Variants in CACNA1G observed in about 807,000 individuals in gnomAD.
The protein encoded by CACNA1G is calcium voltage-gated channel subunit alpha1 G.
In CACNA1G, 67 loss-of-function variants were observed where a neutral mutation model predicts 219.4. The ratio of observed to expected loss-of-function variants is 0.31; its 90% CI spans 0.25 to 0.37. The LOEUF is 0.37. Ranked by LOEUF, CACNA1G falls within the 10% of genes least tolerant of loss-of-function variation. The pLI, the probability that CACNA1G is intolerant of heterozygous loss-of-function variation, is 1.00. For synonymous variants in CACNA1G, 1,296 were observed against 1,345.3 expected (o/e 0.96, Z 0.80); for missense variants, 2,380 against 3,231.4 (o/e 0.74, Z 6.39).
At position 50,572,873 on chromosome 17, in the gene CACNA1G, C is replaced by T. The variant is rs757312356; in HGVS notation, c.1047+19C>T. ...CTTCCAGGTGGGGCAGCCTGGGCCC[C>T]GGGAGCTTCCCCAGAACACCAGCCC... On this transcript the variant is annotated intron_variant, in intron 6 of 37. Coordinates refer to ENST00000359106, the MANE Select transcript of CACNA1G (RefSeq NM_018896.5). 2.0e-5 allele frequency: 32 copies of T among 1,606,092 alleles called. No individual in the cohort carries two copies. Among genetic ancestry groups the T allele is most frequent in the East Asian group, 2.2e-5 (1 of 44,814 alleles).
rs767193318 is a variant in CACNA1G at position 50,626,005 on chromosome 17, C to A, written c.6400-12C>A. ...GAGACTGCTGGGCTGAGCCCTCCCC[C>A]ACCCCATATAGGCAGCAATAAGGAC... On this transcript the variant is annotated splice_polypyrimidine_tract_variant and intron_variant, in intron 37 of 37. Transcript: ENST00000359106. The surrounding 1 kb of genome is among the most constrained non-coding windows in gnomAD (Gnocchi z 4.3). 3.1e-6 allele frequency: 5 copies of A among 1,590,944 alleles called. No individual in the cohort carries two copies. The South Asian group carries it at 3.4e-5, about 11-fold the overall frequency.
intron 26 of CACNA1G, among the ~76,000 whole-genome samples, chr17:50,612,108 GA>G (rs547262295): frequency 5.9e-5 from 9 of 152,242 alleles, no homozygotes; most frequent in Non-Finnish European, 1.3e-4. Context: ...GAATCACCTG[GA>G]AAGCATAAAC....
chr17:50,599,054 T>C (rs912745387), intron 16 of CACNA1G, among the ~76,000 whole-genome samples: 9 of 152,328 alleles, frequency 5.9e-5, no homozygotes, highest in African/African-American at 1.9e-4. Context: ...GGAATGTCTA[T>C]TCAGGCCCTT....
chr17:50,591,112 A>G (rs1285434990), intron 10 of CACNA1G, among the ~76,000 whole-genome samples: 2 of 152,254 alleles, frequency 1.3e-5, no homozygotes, highest in Non-Finnish European at 2.9e-5. Context: ...TGCTTTTGGA[A>G]TTGGCTTTAG....
rs1320808471 is a variant in CACNA1G at position 50,623,056 on chromosome 17, C to G, written c.6061-851C>G. On this transcript the variant is annotated intron_variant, in intron 35 of 37. Coordinates refer to ENST00000359106, the MANE Select transcript of CACNA1G (RefSeq NM_018896.5). ...AGGGTCCTCTCCCCCTCACCTCCCC[C>G]ACTGACAGCACAGGGTCGTAGGGGC... Among the ~76,000 whole-genome samples, 14 of 151,490 alleles carry G rather than the reference C, an allele frequency of 9.2e-5. No individual in the cohort carries two copies. In the East Asian group the frequency reaches 2.5e-3, roughly 27 times the overall value.
chr17:50,578,108 T>G lies in CACNA1G; in HGVS notation c.1925-80T>G, dbSNP rs1331161100. On this transcript the variant is annotated intron_variant, in intron 8 of 37. Coordinates refer to ENST00000359106, the MANE Select transcript of CACNA1G (RefSeq NM_018896.5). This position sits in a 1 kb window ranked among gnomAD's most constrained non-coding sequence, Gnocchi z 4.5. ...CTGTAACAACCCCAGACTCCCTGAC[T>G]CATTTTACACATACTCACAGGGCAG... 3.4e-6 allele frequency: 5 copies of G among 1,461,012 alleles called. No individual in the cohort carries two copies. Among genetic ancestry groups the G allele is most frequent in the Non-Finnish European group, 3.6e-6 (4 of 1,105,438 alleles). 90.5% of individuals were successfully genotyped at this position (1,461,012 alleles called of 1,614,324 possible).
intron 8 of CACNA1G, among the ~76,000 whole-genome samples, chr17:50,577,211 G>T (rs2040873110): frequency 6.6e-6 from 1 of 152,074 alleles, no homozygotes; most frequent in South Asian, 2.1e-4. Flanking sequence ...CTGTGTAAAA[G>T]GCAAGGCTGG....
At chr17:50,580,739 C>T (rs1016872289) in intron 9 of CACNA1G, among the ~76,000 whole-genome samples, 8 of 152,288 alleles carry the variant, frequency 5.3e-5, no homozygotes, top group African/African-American at 1.4e-4. Context: ...GGGTTTTGTC[C>T]GCATACCTGG....
intron 35 of CACNA1G, among the ~76,000 whole-genome samples, chr17:50,622,483 AC>A (rs2052402457): frequency 6.6e-6 from 1 of 151,964 alleles, no homozygotes; most frequent in South Asian, 2.1e-4. Flanking sequence ...CAGGGACTGG[AC>A]CACCGGCTGG....
intron 37 of CACNA1G, among the ~76,000 whole-genome samples, chr17:50,624,983 G>C (rs1467562981): frequency 5.4e-5 from 5 of 93,040 alleles, no homozygotes; most frequent in African/African-American, 2.4e-4. Context: ...TTTGAGTTTC[G>C]CTCTTGTTGC....
chr17:50,592,664 T>G (rs1053446892), intron 13 of CACNA1G, among the ~76,000 whole-genome samples: 2 of 152,216 alleles, frequency 1.3e-5, no homozygotes, highest in Non-Finnish European at 2.9e-5. Context: ...AATATTGATT[T>G]ACATTGATCC....
In CACNA1G at chr17:50,600,524, T is replaced by C. The variant is rs1354853530; in HGVS notation, c.3691-202T>C. On this transcript the variant is annotated intron_variant, in intron 17 of 37. Coordinates refer to ENST00000359106, the MANE Select transcript of CACNA1G (RefSeq NM_018896.5). This position sits in a 1 kb window ranked among gnomAD's most constrained non-coding sequence, Gnocchi z 4.1. ...GAGGAGGTGGAGAGGCAAGGGGTCC[T>C]CAGGGATGGGGAGGGGGCCTGGCAA... 6.6e-6 allele frequency among the ~76,000 whole-genome samples: 1 copy of C among 150,950 alleles called. No individual in the cohort carries two copies. Among genetic ancestry groups the C allele is most frequent in the Non-Finnish European group, 1.5e-5 (1 of 67,750 alleles).
At position 50,621,545 on chromosome 17, in the gene CACNA1G, C is replaced by A. The variant is rs4794172; in HGVS notation, c.5926-115C>A. 0.32 allele frequency: 384,430 copies of A among 1,183,904 alleles called. 66,530 individuals are homozygous for A. Among genetic ancestry groups the A allele is most frequent in the Non-Finnish European group, 0.36 (301,240 of 835,824 alleles). The allele number at this position is 1,183,904 out of a possible 1,614,324, so 73.3% of individuals were successfully genotyped here. On this transcript the variant is annotated intron_variant, in intron 34 of 37. Coordinates refer to ENST00000359106, the MANE Select transcript of CACNA1G (RefSeq NM_018896.5). This position sits in a 1 kb window ranked among gnomAD's most constrained non-coding sequence, Gnocchi z 4.6. The stretch of plus-strand genomic sequence containing the variant: ...AGAAGGGATGCCTTTTTCCCGCCCC[C>A]CTGTGCTTCGTGAAAAGGGGGAAGT...
At chr17:50,572,223 C>T (rs1390441581) in intron 5 of CACNA1G, among the ~76,000 whole-genome samples, 186 bp downstream of exon 5, 5 of 152,190 alleles carry the variant, frequency 3.3e-5, no homozygotes, top group Non-Finnish European at 7.3e-5. Context: ...GCCTGGGTGC[C>T]ACCTCCAGAG....
intron 9 of CACNA1G, among the ~76,000 whole-genome samples, chr17:50,582,653 G>T (rs198556): frequency 0.074 from 11,333 of 152,194 alleles, 559 homozygotes; most frequent in African/African-American, 0.12. Flanking sequence ...GGGAGTGCAG[G>T]AGTGGGGCCT....
rs2035394166 is a variant in CACNA1G, at chr17:50,560,783, G to T, written c.-677G>T. ...GTCTCGGCCGGAGGAGGAGGCTGTG[G>T]CGCCGGCGACAGCTACGGCAGCGGC... On this transcript the variant is annotated 5_prime_UTR_variant, in exon 1 of 38. Coordinates refer to ENST00000359106, the MANE Select transcript of CACNA1G (RefSeq NM_018896.5). Among the ~76,000 whole-genome samples the T allele has an allele frequency of 6.6e-6, 1 of 152,174 alleles. No homozygotes were observed. Among genetic ancestry groups the T allele is most frequent in the Non-Finnish European group, 1.5e-5 (1 of 67,996 alleles).
chr17:50,610,061 G>T, intron 26 of CACNA1G, 126 bp downstream of exon 26: 1 of 888,742 alleles, frequency 1.1e-6, no homozygotes, highest in Admixed American at 2.3e-5. Context: ...AGAGGGCAGG[G>T]GCTGAAGCGC....
intron 10 of CACNA1G, 73 bp downstream of exon 10, chr17:50,590,695 C>A (rs1369650557): frequency 3.5e-6 from 5 of 1,430,866 alleles, no homozygotes; most frequent in Non-Finnish European, 4.8e-6. Flanking sequence ...AGGGGCCATG[C>A]CACCTATTCC....
chr17:50,586,302 G>A (rs974527532), intron 9 of CACNA1G, among the ~76,000 whole-genome samples: 2 of 152,208 alleles, frequency 1.3e-5, no homozygotes, highest in Non-Finnish European at 2.9e-5. Context: ...GAGGAAGGCT[G>A]TTCCACCTGG....
Sources: allele counts gnomAD v4.1 joint callset (sites outside exome capture counted in the v4.1 genomes callset), GRCh38; gene constraint gnomAD v4.1.1; non-coding constraint Gnocchi (gnomAD v3.1); transcripts MANE v1.5; gene names NCBI Gene and HGNC (gene_info 2026-07-23, HGNC 2026-07-21).